The following CSMD1 variants were observed in gnomAD, a reference collection of about 807,000 sequenced individuals.
CSMD1 encodes the protein CUB and sushi domain-containing protein 1.
In CSMD1, 213 loss-of-function variants were observed where a neutral mutation model predicts 417.5. The observed-to-expected ratio is 0.51, with a 90% CI of 0.46 to 0.57. The LOEUF (loss-of-function observed/expected upper bound fraction) is 0.57, where lower values mean the gene tolerates loss of function less well. Ranked by LOEUF, CSMD1 falls within the 20% of genes least tolerant of loss-of-function variation. CSMD1 has a pLI of 0.00. For synonymous variants in CSMD1, 2,862 were observed against 1,736.8 expected (o/e 1.65, Z -16.11); for missense variants, 6,923 against 4,529.7 (o/e 1.53, Z -15.17).
At chr8:4,515,095 C>G (rs933988128) in intron 2 of CSMD1, among the ~76,000 whole-genome samples, 14 of 152,164 alleles carry the variant, frequency 9.2e-5, no homozygotes, top group Admixed American at 1.3e-4. Context: ...ATTCTTTGTA[C>G]GATTTACAGC....
intron 1 of CSMD1, among the ~76,000 whole-genome samples, chr8:4,724,764 A>T (rs1474441721): frequency 3.3e-5 from 5 of 152,104 alleles, no homozygotes; most frequent in African/African-American, 1.2e-4. Flanking sequence ...ACGTTTTTTA[A>T]AAGTTAAGAT....
At chr8:3,838,067 G>C (rs909497436) in intron 5 of CSMD1, among the ~76,000 whole-genome samples, 2 of 152,094 alleles carry the variant, frequency 1.3e-5, no homozygotes, top group Admixed American at 6.6e-5. Flanking sequence ...GGAAACGGTT[G>C]TAGGGCTTTG....
At chr8:4,031,836 C>A in intron 4 of CSMD1, 69 bp downstream of exon 4, 1 of 1,229,446 alleles carries the variant, frequency 8.1e-7, no homozygotes, top group Non-Finnish European at 1.1e-6. Context: ...TGGAAACTTT[C>A]ATAAAAGCAT....
chr8:3,654,021 C>T (rs1239303383), intron 7 of CSMD1, among the ~76,000 whole-genome samples: 1 of 152,062 alleles, frequency 6.6e-6, no homozygotes, highest in East Asian at 1.9e-4. Context: ...GCAAATGTCA[C>T]TGCTTGGAGG....
At chr8:2,999,110 T>G (rs1276928567) in intron 53 of CSMD1, among the ~76,000 whole-genome samples, 1 of 152,024 alleles carries the variant, frequency 6.6e-6, no homozygotes, top group Non-Finnish European at 1.5e-5. Context: ...CAGCTCAAGG[T>G]TGATCATTCA....
chr8:3,386,937 C>G (rs188736371), intron 18 of CSMD1, among the ~76,000 whole-genome samples: 1 of 152,112 alleles, frequency 6.6e-6, no homozygotes, highest in Admixed American at 6.6e-5. Flanking sequence ...ACAAAATAAT[C>G]AGGAATGTTA....
intron 41 of CSMD1, among the ~76,000 whole-genome samples, chr8:3,133,677 G>A (rs898548893): frequency 2.0e-5 from 3 of 152,276 alleles, no homozygotes; most frequent in Non-Finnish European, 4.4e-5. Context: ...ATCAGAGGTA[G>A]GCGAAGAGAC....
At chr8:4,224,602 C>T (rs932460297) in intron 3 of CSMD1, among the ~76,000 whole-genome samples, 1 of 152,128 alleles carries the variant, frequency 6.6e-6, no homozygotes, top group Non-Finnish European at 1.5e-5. Flanking sequence ...CACCACTTTG[C>T]AAAGGTTATG....
intron 1 of CSMD1, among the ~76,000 whole-genome samples, chr8:4,714,311 T>C (rs1410827729): frequency 1.3e-5 from 2 of 152,120 alleles, no homozygotes. Context: ...GAAAAAGAAA[T>C]CTAGACCTTT....
chr8:4,103,464 T>A (rs950376192), intron 3 of CSMD1, among the ~76,000 whole-genome samples: 1 of 150,716 alleles, frequency 6.6e-6, no homozygotes, highest in African/African-American at 2.4e-5. Context: ...TCCACATGAT[T>A]ATTTTAAAAA....
At chr8:3,161,283 C>G (rs1262884731) in intron 38 of CSMD1, among the ~76,000 whole-genome samples, 1 of 151,938 alleles carries the variant, frequency 6.6e-6, no homozygotes, top group Non-Finnish European at 1.5e-5. Context: ...ACTACTCTTG[C>G]CATACATTAG....
chr8:4,043,728 T>C (rs1163425875), intron 3 of CSMD1, among the ~76,000 whole-genome samples: 2 of 152,198 alleles, frequency 1.3e-5, no homozygotes, highest in East Asian at 1.9e-4. Flanking sequence ...ATAAGATTTA[T>C]TACTAATAGA....
intron 3 of CSMD1, among the ~76,000 whole-genome samples, chr8:4,121,782 C>T (rs1563151121): frequency 6.6e-6 from 1 of 151,984 alleles, no homozygotes; most frequent in African/African-American, 2.4e-5. Context: ...GGTAATATTA[C>T]AGTACATCAC....
At chr8:4,871,497 G>A (rs371666886) in intron 1 of CSMD1, among the ~76,000 whole-genome samples, 23 of 152,118 alleles carry the variant, frequency 1.5e-4, no homozygotes, top group East Asian at 5.8e-4. Flanking sequence ...CCCAACGCCC[G>A]TGTATCTGTA....
At position 4,232,366 on chromosome 8, in the gene CSMD1, T is replaced by C. The variant is rs554275844; in HGVS notation, c.415+187587A>G. On this transcript the variant is annotated intron_variant, in intron 3 of 69. Coordinates refer to ENST00000635120, the MANE Select transcript of CSMD1 (RefSeq NM_033225.6). ...GGCACCCGCCATTAAGCCTGACTAA[T>C]TTTTGTATTCTTAGTAGAGACGGGG... Among the ~76,000 whole-genome samples, 14 of 152,232 alleles carry C rather than the reference T, an allele frequency of 9.2e-5. No homozygotes were observed. The East Asian group carries it at 2.5e-3, about 27-fold the overall frequency.
intron 49 of CSMD1, among the ~76,000 whole-genome samples, chr8:3,066,974 T>TA (rs1461438505): frequency 6.6e-6 from 1 of 152,074 alleles, no homozygotes; most frequent in East Asian, 1.9e-4. Flanking sequence ...AATAAAGAGG[T>TA]ACAGACTGAC....
intron 1 of CSMD1, among the ~76,000 whole-genome samples, chr8:4,670,636 T>C (rs1181315046): frequency 6.6e-6 from 1 of 152,194 alleles, no homozygotes; most frequent in Non-Finnish European, 1.5e-5. Flanking sequence ...ACTATGCAAA[T>C]GTTACCTGCT....
chr8:3,922,859 G>A (rs897932402), intron 5 of CSMD1, among the ~76,000 whole-genome samples: 2 of 152,006 alleles, frequency 1.3e-5, no homozygotes, highest in Admixed American at 6.6e-5. Context: ...CAGATATTGG[G>A]ATATGTGGAG....
intron 2 of CSMD1, among the ~76,000 whole-genome samples, chr8:4,538,004 G>A (rs1369451620): frequency 6.6e-6 from 1 of 152,114 alleles, no homozygotes; most frequent in Non-Finnish European, 1.5e-5. Context: ...TCTGCGTCAT[G>A]GTTTTCATCT....
Sources: allele counts gnomAD v4.1 joint callset (sites outside exome capture counted in the v4.1 genomes callset), GRCh38; gene constraint gnomAD v4.1.1; transcripts MANE v1.5; gene names NCBI Gene and HGNC (gene_info 2026-07-23, HGNC 2026-07-21).